Variants in EPHB2 observed in about 807,000 individuals in gnomAD.
EPHB2 encodes EPH receptor B2, also known as ephrin type-B receptor 2.
Under a neutral mutation model 96.4 loss-of-function variants are expected in EPHB2, and 18 were observed. The observed-to-expected ratio is 0.19, with a 90% CI of 0.13 to 0.28. The LOEUF is 0.28. EPHB2 is among the 10% of genes least tolerant of loss of function. The pLI is 1.00. For missense variants in EPHB2, 989 were observed against 1,355.4 expected, an observed-to-expected ratio of 0.73 and a Z score of 4.25; for synonymous variants, 506 against 534.1, an observed-to-expected ratio of 0.95 and a Z score of 0.72.
chr1:22,879,558 G>A (rs1570429244), intron 5 of EPHB2, among the ~76,000 whole-genome samples: 1 of 152,198 alleles, frequency 6.6e-6, no homozygotes, highest in East Asian at 1.9e-4. Flanking sequence ...ACCCAGAGGG[G>A]GTCATAGCTA....
chr1:22,756,626 G>A (rs1222213388), intron 1 of EPHB2, among the ~76,000 whole-genome samples: 1 of 152,080 alleles, frequency 6.6e-6, no homozygotes, highest in Non-Finnish European at 1.5e-5. Context: ...TGGGAGAGGG[G>A]AGAGCTGGAG....
At chr1:22,898,051 C>T (rs1307514971) in intron 9 of EPHB2, among the ~76,000 whole-genome samples, 3 of 128,616 alleles carry the variant, frequency 2.3e-5, no homozygotes, top group Non-Finnish European at 3.2e-5. Context: ...TGCAGTGAGC[C>T]GAGGTTGCAG....
At chr1:22,720,159 G>A (rs555220553) in intron 1 of EPHB2, among the ~76,000 whole-genome samples, 1 of 152,312 alleles carries the variant, frequency 6.6e-6, no homozygotes, top group South Asian at 2.1e-4. Context: ...TGGTGAAATG[G>A]AAACTGCAAG....
intron 7 of EPHB2, among the ~76,000 whole-genome samples, chr1:22,893,668 T>C (rs1639463604): frequency 6.6e-6 from 1 of 152,232 alleles, no homozygotes; most frequent in Non-Finnish European, 1.5e-5. Context: ...GCCCTAACTG[T>C]ATGTGCCTGA....
intron 3 of EPHB2, among the ~76,000 whole-genome samples, chr1:22,799,720 C>G (rs1038890896): frequency 6.6e-5 from 10 of 152,116 alleles, no homozygotes; most frequent in African/African-American, 2.4e-4. Context: ...GAACACAGGT[C>G]GTTTGGTGGA....
intron 1 of EPHB2, among the ~76,000 whole-genome samples, chr1:22,730,214 C>T (rs945362643): frequency 1.3e-5 from 2 of 152,248 alleles, no homozygotes; most frequent in Admixed American, 6.5e-5. Flanking sequence ...TTCTAATACT[C>T]AGAGCCAGGG....
intron 5 of EPHB2, among the ~76,000 whole-genome samples, chr1:22,877,583 G>T (rs1328801946): frequency 1.3e-5 from 2 of 152,144 alleles, no homozygotes; most frequent in Admixed American, 1.3e-4. Flanking sequence ...TTGTATGGCT[G>T]CTCCAAGACC....
chr1:22,857,826 C>T (rs1190515073), intron 3 of EPHB2, among the ~76,000 whole-genome samples: 4 of 152,156 alleles, frequency 2.6e-5, no homozygotes, highest in African/African-American at 9.7e-5. Flanking sequence ...AACCTGTACA[C>T]ATCAAGTGCC....
chr1:22,884,445 C>T (rs562552246), intron 6 of EPHB2, among the ~76,000 whole-genome samples: 2 of 152,120 alleles, frequency 1.3e-5, no homozygotes, highest in South Asian at 4.2e-4. Context: ...CATGGTGAAA[C>T]CCCATCTCTA....
At chr1:22,736,433 G>GC (rs1264616283) in intron 1 of EPHB2, among the ~76,000 whole-genome samples, 3 of 152,232 alleles carry the variant, frequency 2.0e-5, no homozygotes, top group East Asian at 3.9e-4. Flanking sequence ...GTTCCATGGG[G>GC]CCCCCCTTCC....
At chr1:22,772,488 C>T (rs866443717) in intron 1 of EPHB2, among the ~76,000 whole-genome samples, 2 of 152,128 alleles carry the variant, frequency 1.3e-5, no homozygotes, top group African/African-American at 4.8e-5. Context: ...AGCAGGGGGC[C>T]GAGGTAGAAA....
chr1:22,790,698 G>A lies in EPHB2; in HGVS notation c.811+5622G>A, dbSNP rs948645352. 6.6e-6 allele frequency among the ~76,000 whole-genome samples: 1 copy of A among 152,336 alleles called. No homozygotes were observed. Among genetic ancestry groups the A allele is most frequent in the South Asian group, 2.1e-4 (1 of 4,826 alleles). On this transcript the variant is annotated intron_variant, in intron 3 of 15. Coordinates refer to ENST00000374630, the MANE Select transcript of EPHB2 (RefSeq NM_017449.5). The surrounding 1 kb of genome is among the most constrained non-coding windows in gnomAD (Gnocchi z 4.0). The stretch of plus-strand genomic sequence containing the variant: ...TCTGTTCTCTCCCAGTGGCCAACCC[G>A]CATCTGCGAGGGATCTGGAGGCAGT...
Position 22,906,601 on chromosome 1 carries a change from G to T in EPHB2, c.1889-109G>T. The T allele has an allele frequency of 6.5e-7, 1 of 1,537,410 alleles. No homozygotes were observed. Among genetic ancestry groups the T allele is most frequent in the South Asian group, 1.2e-5 (1 of 84,842 alleles). On this transcript the variant is annotated intron_variant, in intron 10 of 15. Coordinates refer to ENST00000374630, the MANE Select transcript of EPHB2 (RefSeq NM_017449.5). This position sits in a 1 kb window ranked among gnomAD's most constrained non-coding sequence, Gnocchi z 4.8. ...TGTCTGCAAGGATGAGTGGGCCATT[G>T]AGAAGAAAATGTACCTGCAGGCCCC... is the stretch of plus-strand genomic sequence containing the variant.
At chr1:22,908,285 C>T (rs905302176) in intron 12 of EPHB2, 117 bp downstream of exon 12, 2 of 1,269,910 alleles carry the variant, frequency 1.6e-6, no homozygotes, top group South Asian at 2.5e-5. Flanking sequence ...CTGTCCTGGG[C>T]CCTGGAGACA....
At chr1:22,807,126 C>T (rs1465505810) in intron 3 of EPHB2, among the ~76,000 whole-genome samples, 1 of 152,236 alleles carries the variant, frequency 6.6e-6, no homozygotes, top group Non-Finnish European at 1.5e-5. Flanking sequence ...GGACCTGTCA[C>T]CTCCCCTTCT....
intron 6 of EPHB2, among the ~76,000 whole-genome samples, chr1:22,883,851 G>A (rs978525717): frequency 1.2e-4 from 18 of 152,178 alleles, no homozygotes; most frequent in African/African-American, 2.4e-4. Flanking sequence ...CCTTCTCCCC[G>A]GCATCCAGGC....
At chr1:22,754,586 C>G (rs1019741394) in intron 1 of EPHB2, among the ~76,000 whole-genome samples, 8 of 151,250 alleles carry the variant, frequency 5.3e-5, no homozygotes, top group Non-Finnish European at 7.4e-5. Context: ...GTGGAGCTTA[C>G]CACTGCTGGG....
intron 1 of EPHB2, among the ~76,000 whole-genome samples, chr1:22,717,372 G>A (rs1236598795): frequency 2.0e-5 from 3 of 152,176 alleles, no homozygotes; most frequent in Non-Finnish European, 4.4e-5. Context: ...TCCGGAGGGT[G>A]CAGGAGGGGG....
At position 22,915,496 on chromosome 1, in the gene EPHB2, C is replaced by G. The variant is rs1640242610; in HGVS notation, c.*1926C>G. 1 of 152,126 alleles carries G rather than the reference C, an allele frequency of 6.6e-6. No homozygotes were observed. Among genetic ancestry groups the G allele is most frequent in the African/African-American group, 2.4e-5 (1 of 41,434 alleles). The allele number at this position is 152,126 out of a possible 1,614,324, so 9.4% of individuals were successfully genotyped here. ...CGACAGCTCCACGTGGCCTTTCTGG[C>G]CCTGGCTTGTCAAAAGCACAGGCAA... On this transcript the variant is annotated 3_prime_UTR_variant, in exon 16 of 16. Coordinates refer to ENST00000374630, the MANE Select transcript of EPHB2 (RefSeq NM_017449.5).
Sources: allele counts gnomAD v4.1 joint callset (sites outside exome capture counted in the v4.1 genomes callset), GRCh38; gene constraint gnomAD v4.1.1; non-coding constraint Gnocchi (gnomAD v3.1); transcripts MANE v1.5; gene names NCBI Gene and HGNC (gene_info 2026-07-23, HGNC 2026-07-21).